The following LDAH variants were observed in gnomAD, a reference collection of about 807,000 sequenced individuals.
LDAH encodes lipid droplet associated hydrolase, also known as lipid droplet-associated hydrolase.
Under a neutral mutation model 29.6 loss-of-function variants are expected in LDAH, and 26 were observed. That is an observed-to-expected ratio of 0.88 (90% CI 0.64 to 1.22). The LOEUF (loss-of-function observed/expected upper bound fraction) is 1.22. Among genes scored for constraint, LDAH ranks in the 50% most tolerant of loss-of-function variants. LDAH has a pLI of 0.00. For synonymous variants in LDAH, 117 were observed against 133.0 expected, an observed-to-expected ratio of 0.88 and a Z score of 0.83; for missense variants, 344 against 387.3, an observed-to-expected ratio of 0.89 and a Z score of 0.94.
At chr2:20,749,295 T>G (rs1433425123) in intron 4 of LDAH, among the ~76,000 whole-genome samples, 1 of 152,212 alleles carries the variant, frequency 6.6e-6, no homozygotes, top group East Asian at 1.9e-4. Context: ...GAAATTTTCT[T>G]GACAAACACT....
chr2:20,763,369 A>G (rs985105439), intron 4 of LDAH, among the ~76,000 whole-genome samples: 8 of 152,258 alleles, frequency 5.3e-5, no homozygotes. Flanking sequence ...TGGAAAGCTT[A>G]GGTAGGTGGT....
chr2:20,754,511 A>G (rs1450211820), intron 4 of LDAH, among the ~76,000 whole-genome samples: 1 of 151,372 alleles, frequency 6.6e-6, no homozygotes, highest in East Asian at 1.9e-4. Context: ...AAAAAAAAAA[A>G]AAAAAAAAAA....
intron 1 of LDAH, among the ~76,000 whole-genome samples, chr2:20,808,936 CTCCTT>C (rs1672277950): frequency 1.3e-5 from 2 of 152,134 alleles, no homozygotes; most frequent in Non-Finnish European, 2.9e-5. Context: ...TGAATCTTGA[CTCCTT>C]TCTCACACCA....
intron 4 of LDAH, among the ~76,000 whole-genome samples, chr2:20,762,762 T>C (rs747660855): frequency 1.4e-4 from 22 of 152,228 alleles, no homozygotes; most frequent in Non-Finnish European, 2.8e-4. Flanking sequence ...CTACAAATTA[T>C]TTATTGTAAG....
chr2:20,775,084 A>G (rs1175329724), intron 3 of LDAH, 105 bp from the exon 4 acceptor site: 2 of 996,632 alleles, frequency 2.0e-6, no homozygotes, highest in East Asian at 5.1e-5. Context: ...CCATTTATCG[A>G]AAGCCTACAG....
downstream of LDAH, chr2:20,683,995 A>G (rs908011099): frequency 6.6e-6 from 1 of 152,218 alleles, no homozygotes; most frequent in Non-Finnish European, 1.5e-5. Flanking sequence ...TTTTTGGAAA[A>G]GAAGCAATGA....
chr2:20,763,178 T>C (rs1478550430), intron 4 of LDAH, among the ~76,000 whole-genome samples: 2 of 152,232 alleles, frequency 1.3e-5, no homozygotes, highest in Admixed American at 6.5e-5. Flanking sequence ...TCTGTGTTTA[T>C]GGACAACGTC....
intron 5 of LDAH, among the ~76,000 whole-genome samples, chr2:20,722,007 G>C (rs1325459744): frequency 1.3e-5 from 2 of 152,176 alleles, no homozygotes; most frequent in African/African-American, 4.8e-5. Context: ...TGGGATTGGA[G>C]GTTATTATGT....
chr2:20,819,760 C>T (rs1277384717), intron 1 of LDAH, among the ~76,000 whole-genome samples: 4 of 152,122 alleles, frequency 2.6e-5, no homozygotes, highest in African/African-American at 9.7e-5. Context: ...GAAGTTCTGG[C>T]CAGGGCAATT....
At chr2:20,760,917 G>A (rs1191928516) in intron 4 of LDAH, among the ~76,000 whole-genome samples, 5 of 152,162 alleles carry the variant, frequency 3.3e-5, no homozygotes, top group African/African-American at 9.6e-5. Flanking sequence ...AGGATCATGG[G>A]GTGCCACCCA....
chr2:20,702,199 A>C (rs903523242), intron 5 of LDAH, among the ~76,000 whole-genome samples: 7 of 152,198 alleles, frequency 4.6e-5, no homozygotes, highest in African/African-American at 1.7e-4. Flanking sequence ...CAAGATGTCA[A>C]ATACCTAGGA....
At chr2:20,809,252 A>T (rs1323910048) in intron 1 of LDAH, among the ~76,000 whole-genome samples, 1 of 151,758 alleles carries the variant, frequency 6.6e-6, no homozygotes, top group Non-Finnish European at 1.5e-5. Context: ...AAAAAAAATT[A>T]GCTGCGCTTG....
intron 1 of LDAH, among the ~76,000 whole-genome samples, chr2:20,808,418 C>G (rs938967079): frequency 6.6e-6 from 1 of 152,024 alleles, no homozygotes. Flanking sequence ...AATCCCAGCA[C>G]TTTGGGAGGC....
chr2:20,698,499 C>T lies in LDAH; in HGVS notation c.786+3071G>A, dbSNP rs957031962. On this transcript the variant is annotated intron_variant, in intron 6 of 6. Coordinates refer to ENST00000237822, the MANE Select transcript of LDAH (RefSeq NM_021925.4). This position sits in a 1 kb window ranked among gnomAD's most constrained non-coding sequence, Gnocchi z 4.4. ...GGTCAGGAGTTTGAGACCAGCCTGA[C>T]CAACATGGTGAAACCCTGTCTCTAG... Among the ~76,000 whole-genome samples the T allele has an allele frequency of 6.6e-5, 10 of 152,054 alleles. No individual in the cohort carries two copies. Among genetic ancestry groups the T allele is most frequent in the Non-Finnish European group, 8.8e-5 (6 of 68,006 alleles).
At chr2:20,689,689 T>C (rs1017210113) in intron 6 of LDAH, among the ~76,000 whole-genome samples, 6 of 152,218 alleles carry the variant, frequency 3.9e-5, no homozygotes, top group Non-Finnish European at 1.5e-5. Context: ...ATCTTTTCGA[T>C]TGTATTCAGG....
intron 5 of LDAH, 134 bp downstream of exon 5, chr2:20,739,837 G>T: frequency 1.3e-5 from 8 of 599,930 alleles, no homozygotes; most frequent in South Asian, 2.6e-5. Flanking sequence ...TTTATTTCTA[G>T]TTTTAAACTT....
At chr2:20,739,368 A>G (rs776559195) in intron 5 of LDAH, among the ~76,000 whole-genome samples, 4 of 152,250 alleles carry the variant, frequency 2.6e-5, no homozygotes, top group Non-Finnish European at 5.9e-5. Context: ...AAAGTCATTT[A>G]TAAATGTAGT....
At position 20,716,216 on chromosome 2, in the gene LDAH, C is replaced by T. The variant is rs563756271; in HGVS notation, c.704-14564G>A. Among the ~76,000 whole-genome samples the T allele has an allele frequency of 2.6e-5, 4 of 152,240 alleles. No homozygotes were observed. The South Asian group carries it at 8.3e-4, about 32-fold the overall frequency. On this transcript the variant is annotated intron_variant, in intron 5 of 6. Coordinates refer to ENST00000237822, the MANE Select transcript of LDAH (RefSeq NM_021925.4). ...TAGAAATACCATTTGATCCAGCGATCCCATTACTGGGTAGATACCCAAAGG... is the reference window on the plus strand; with the variant it reads ...TAGAAATACCATTTGATCCAGCGATTCCATTACTGGGTAGATACCCAAAGG...
At chr2:20,735,204 A>T (rs565317110) in intron 5 of LDAH, among the ~76,000 whole-genome samples, 1 of 152,266 alleles carries the variant, frequency 6.6e-6, no homozygotes, top group East Asian at 1.9e-4. Context: ...TATTTCTTTG[A>T]ACACTTTTCC....
Sources: allele counts gnomAD v4.1 joint callset (sites outside exome capture counted in the v4.1 genomes callset), GRCh38; gene constraint gnomAD v4.1.1; non-coding constraint Gnocchi (gnomAD v3.1); transcripts MANE v1.5; gene names NCBI Gene and HGNC (gene_info 2026-07-23, HGNC 2026-07-21).